GNG12: variants seen among roughly 807,000 people sequenced by gnomAD.
The protein encoded by GNG12 is G protein subunit gamma 12.
For synonymous variants in GNG12, 28 were observed against 29.7 expected (o/e 0.94, Z 0.19); for missense variants, 69 against 83.8 (o/e 0.82, Z 0.69).
intron 2 of GNG12, among the ~76,000 whole-genome samples, chr1:67,773,451 T>C (rs1484752013): frequency 2.6e-5 from 4 of 152,142 alleles, no homozygotes. Context: ...GACCCAGAAA[T>C]GGACAATGGT....
chr1:67,713,313 G>A (rs1646307157), intron 2 of GNG12, among the ~76,000 whole-genome samples: 1 of 152,172 alleles, frequency 6.6e-6, no homozygotes, highest in African/African-American at 2.4e-5. Flanking sequence ...TTGCATATGG[G>A]TAACAGATTT....
At chr1:67,767,609 A>G (rs1204872415) in intron 2 of GNG12, among the ~76,000 whole-genome samples, 2 of 152,248 alleles carry the variant, frequency 1.3e-5, no homozygotes, top group East Asian at 3.8e-4. Flanking sequence ...ACTGAAAGAC[A>G]GCAAAATAAA....
rs1391694712 is a variant in GNG12, at chr1:67,701,623, T to C, written c.*3828A>G. The C allele has an allele frequency of 6.5e-6, 1 of 152,674 alleles. No individual in the cohort carries two copies. The highest frequency in any genetic ancestry group is 1.9e-4 in the East Asian group (1 of 5,200). The allele number at this position is 152,674 out of a possible 1,614,324, so 9.5% of individuals were successfully genotyped here. ...GAAGTACATGCTTTTATTCTTTCCA[T>C]AGGACATATTTCCAAATAATGATCA... On this transcript the variant is annotated 3_prime_UTR_variant, in exon 4 of 4. Transcript: ENST00000370982.
chr1:67,806,115 T>C (rs1034463628), intron 1 of GNG12, among the ~76,000 whole-genome samples: 3 of 151,888 alleles, frequency 2.0e-5, no homozygotes, highest in Admixed American at 1.3e-4. Flanking sequence ...CTGGTGCCAG[T>C]AGACCTGCCT....
intron 2 of GNG12, among the ~76,000 whole-genome samples, chr1:67,759,294 T>G (rs1004363152): frequency 1.6e-4 from 25 of 152,370 alleles, no homozygotes; most frequent in African/African-American, 5.3e-4. Flanking sequence ...ATCTCTATGG[T>G]TCCTGCGTAG....
rs1247842066 is a variant in GNG12 at position 67,755,127 on chromosome 1, G to A, written c.-27+22331C>T. 2.6e-5 allele frequency among the ~76,000 whole-genome samples: 4 copies of A among 152,238 alleles called. No individual in the cohort carries two copies. The East Asian group carries it at 7.7e-4, about 29-fold the overall frequency. ...GCCTTGGCGTTGTTACAAGAGGATG[G>A]GATGCCTTTGACCTTTCTGTACCTA... On this transcript the variant is annotated intron_variant, in intron 2 of 3. Coordinates refer to ENST00000370982, the MANE Select transcript of GNG12 (RefSeq NM_018841.6).
At chr1:67,757,009 A>G (rs2100733294) in intron 2 of GNG12, among the ~76,000 whole-genome samples, 1 of 152,314 alleles carries the variant, frequency 6.6e-6, no homozygotes, top group South Asian at 2.1e-4. Flanking sequence ...TAAATGTGCC[A>G]TTTAAGTTGA....
intron 1 of GNG12, among the ~76,000 whole-genome samples, chr1:67,813,559 T>C (rs1646937949): frequency 6.6e-6 from 1 of 152,184 alleles, no homozygotes; most frequent in Admixed American, 6.5e-5. Context: ...CCACTGAAAG[T>C]ACATTTTCAG....
chr1:67,791,173 G>A (rs1646800173), intron 1 of GNG12, among the ~76,000 whole-genome samples: 1 of 69,836 alleles, frequency 1.4e-5, no homozygotes, highest in South Asian at 3.7e-4. Flanking sequence ...AGGAACAATT[G>A]TGGATATGAT....
chr1:67,769,397 G>GC (rs2100751496), intron 2 of GNG12, among the ~76,000 whole-genome samples: 1 of 152,294 alleles, frequency 6.6e-6, no homozygotes, highest in East Asian at 1.9e-4. Flanking sequence ...TGTCACATGA[G>GC]CATGAAAGAA....
chr1:67,811,362 T>C (rs75931382), intron 1 of GNG12, among the ~76,000 whole-genome samples: 1 of 152,104 alleles, frequency 6.6e-6, no homozygotes, highest in African/African-American at 2.4e-5. Context: ...CTTTGGCCAT[T>C]AGAGATACTA....
At chr1:67,719,488 G>A (rs948587382) in intron 2 of GNG12, among the ~76,000 whole-genome samples, 1 of 151,956 alleles carries the variant, frequency 6.6e-6, no homozygotes, top group Non-Finnish European at 1.5e-5. Flanking sequence ...GTTTTCCGAA[G>A]GACAAGATTT....
At chr1:67,811,546 C>T (rs1646926053) in intron 1 of GNG12, among the ~76,000 whole-genome samples, 1 of 152,174 alleles carries the variant, frequency 6.6e-6, no homozygotes, top group South Asian at 2.1e-4. Flanking sequence ...CATCACTGGC[C>T]TGACTTGGCT....
chr1:67,705,136 C>G lies in GNG12; in HGVS notation c.*315G>C, dbSNP rs1646239169. On this transcript the variant is annotated 3_prime_UTR_variant, in exon 4 of 4. Transcript: ENST00000370982. Reference sequence around the variant, plus strand: ...TTAGGCCATTTAGGTCCTGACATATCGGAATCCCTTGTATTTCTAAAGTAT... The same window carrying G: ...TTAGGCCATTTAGGTCCTGACATATGGGAATCCCTTGTATTTCTAAAGTAT... The G allele has an allele frequency of 5.3e-6, 1 of 188,400 alleles. No homozygotes were observed. Among genetic ancestry groups the G allele is most frequent in the African/African-American group, 2.4e-5 (1 of 42,146 alleles). 11.7% of individuals were successfully genotyped at this position (188,400 alleles called of 1,614,324 possible). A position where few individuals can be genotyped will look rare whatever the true frequency, so the allele number is the denominator to read the frequency against.
At chr1:67,783,200 G>T (rs534702998) in intron 1 of GNG12, among the ~76,000 whole-genome samples, 3 of 152,104 alleles carry the variant, frequency 2.0e-5, no homozygotes, top group Non-Finnish European at 4.4e-5. Flanking sequence ...ATAGACATAA[G>T]TGTTTCATGT....
intron 1 of GNG12, among the ~76,000 whole-genome samples, chr1:67,786,935 A>ATGTG (rs60096043): frequency 0.023 from 3,090 of 133,090 alleles, 42 homozygotes; most frequent in Admixed American, 0.035. Flanking sequence ...TTATATATAT[A>ATGTG]TGTGTGTGTG....
intron 2 of GNG12, among the ~76,000 whole-genome samples, chr1:67,766,342 A>T (rs986768785): frequency 1.3e-5 from 2 of 152,030 alleles, no homozygotes; most frequent in Non-Finnish European, 2.9e-5. Context: ...TCAAACCCTG[A>T]TTTTCGCACA....
intron 2 of GNG12, among the ~76,000 whole-genome samples, chr1:67,722,472 G>C (rs1282282604): frequency 6.6e-6 from 1 of 152,140 alleles, no homozygotes; most frequent in Non-Finnish European, 1.5e-5. Flanking sequence ...AGGAATGTAA[G>C]TGGGTCAGTA....
chr1:67,753,415 T>C (rs1202194760), intron 2 of GNG12, among the ~76,000 whole-genome samples: 5 of 151,904 alleles, frequency 3.3e-5, no homozygotes, highest in Non-Finnish European at 7.4e-5. Context: ...TAAGCGATTC[T>C]CAATCTGTAC....
Sources: allele counts gnomAD v4.1 joint callset (sites outside exome capture counted in the v4.1 genomes callset), GRCh38; gene constraint gnomAD v4.1.1; transcripts MANE v1.5; gene names NCBI Gene and HGNC (gene_info 2026-07-23, HGNC 2026-07-21).